Variants in TNFRSF8 observed in about 807,000 individuals in gnomAD.
The protein encoded by TNFRSF8 is TNF receptor superfamily member 8, also known as tumor necrosis factor receptor superfamily member 8.
In TNFRSF8, 26 loss-of-function variants were observed where a neutral mutation model predicts 70.8. The ratio of observed to expected loss-of-function variants is 0.37; its 90% CI spans 0.27 to 0.51. The LOEUF (loss-of-function observed/expected upper bound fraction) is 0.51. Ranked by LOEUF, TNFRSF8 falls within the 20% of genes least tolerant of loss-of-function variation. The pLI is 0.94. For synonymous variants in TNFRSF8, 356 were observed against 339.2 expected (o/e 1.05, Z -0.54); for missense variants, 720 against 807.9 (o/e 0.89, Z 1.32).
chr1:12,084,365 T>G, intron 1 of TNFRSF8, 99 bp from the exon 2 acceptor site: 1 of 1,078,440 alleles, frequency 9.3e-7, no homozygotes, highest in Non-Finnish European at 1.4e-6. Flanking sequence ...CTCTCCTATA[T>G]TACAAAGCTC....
At chr1:12,122,410 G>C (rs904779665) in intron 8 of TNFRSF8, among the ~76,000 whole-genome samples, 41 of 151,886 alleles carry the variant, frequency 2.7e-4, no homozygotes, top group African/African-American at 9.9e-4. Context: ...ACTTTGGGAG[G>C]CTGAGGTGGG....
rs1000354755 is a variant in TNFRSF8 at position 12,138,505 on chromosome 1, G to C, written c.1543+69G>C. On this transcript the variant is annotated intron_variant, in intron 14 of 14. Transcript: ENST00000263932. The surrounding 1 kb of genome is among the most constrained non-coding windows in gnomAD (Gnocchi z 5.7). ...GATGGGAGATGAATACGGGGCCCTG[G>C]GCCCTGGAAGGGACCTGGAGACCCT... 2 of 1,436,474 alleles carry C rather than the reference G, an allele frequency of 1.4e-6. No individual in the cohort carries two copies. Among genetic ancestry groups the C allele is most frequent in the Non-Finnish European group, 1.9e-6 (2 of 1,068,948 alleles). The allele number at this position is 1,436,474 out of a possible 1,614,324, so 89.0% of individuals were successfully genotyped here. A position where few individuals can be genotyped will look rare whatever the true frequency, so the allele number is the denominator to read the frequency against.
intron 12 of TNFRSF8, among the ~76,000 whole-genome samples, chr1:12,130,111 T>C (rs1642020943): frequency 6.6e-6 from 1 of 152,242 alleles, no homozygotes; most frequent in East Asian, 1.9e-4. Flanking sequence ...TTTCACCATG[T>C]TGGCCAGGCT....
chr1:12,130,127 C>T (rs991234592), intron 12 of TNFRSF8, among the ~76,000 whole-genome samples: 13 of 152,170 alleles, frequency 8.5e-5, no homozygotes, highest in Non-Finnish European at 1.3e-4. Context: ...AGGCTGGTCT[C>T]GAACTCCTGG....
chr1:12,140,722 C>T (rs1046188447), intron 14 of TNFRSF8, among the ~76,000 whole-genome samples: 2 of 152,220 alleles, frequency 1.3e-5, no homozygotes, highest in African/African-American at 4.8e-5. Context: ...GACTCCTGCC[C>T]ATTTCCCTGA....
chr1:12,099,972 C>T (rs1641391631), intron 3 of TNFRSF8, among the ~76,000 whole-genome samples: 2 of 152,214 alleles, frequency 1.3e-5, no homozygotes, highest in African/African-American at 4.8e-5. Context: ...AGTTCGAGAC[C>T]AGCCTGGCTA....
Position 12,138,535 on chromosome 1 carries a change from T to A in TNFRSF8, c.1543+99T>A. The A allele has an allele frequency of 8.2e-7, 1 of 1,215,282 alleles. No homozygotes were observed. Among genetic ancestry groups the A allele is most frequent in the East Asian group, 2.6e-5 (1 of 39,118 alleles). 75.3% of individuals were successfully genotyped at this position (1,215,282 alleles called of 1,614,324 possible). On this transcript the variant is annotated intron_variant, in intron 14 of 14. Coordinates refer to ENST00000263932, the MANE Select transcript of TNFRSF8 (RefSeq NM_001243.5). The surrounding 1 kb of genome is among the most constrained non-coding windows in gnomAD (Gnocchi z 5.7). Reference sequence around the variant, plus strand: ...TGGAAGGGACCTGGAGACCCTGGAGTTGAAAGGCCCAGGAAAGGAGAGGCA... The same window carrying A: ...TGGAAGGGACCTGGAGACCCTGGAGATGAAAGGCCCAGGAAAGGAGAGGCA...
At chr1:12,077,522 CAG>C (rs1640987206) in intron 1 of TNFRSF8, among the ~76,000 whole-genome samples, 1 of 152,234 alleles carries the variant, frequency 6.6e-6, no homozygotes, top group African/African-American at 2.4e-5. Flanking sequence ...AACAAGACCT[CAG>C]TCCTACAACC....
chr1:12,072,837 C>T (rs1640871258), intron 1 of TNFRSF8, among the ~76,000 whole-genome samples: 1 of 152,208 alleles, frequency 6.6e-6, no homozygotes, highest in African/African-American at 2.4e-5. Flanking sequence ...CCACCTTCAC[C>T]TTCCCAGCCT....
intron 1 of TNFRSF8, among the ~76,000 whole-genome samples, chr1:12,065,078 CT>C (rs773549918): frequency 1.3e-3 from 111 of 88,254 alleles, no homozygotes; most frequent in South Asian, 0.011. Context: ...CATACCAAAC[CT>C]TTTTTTTTTT....
Position 12,073,596 on chromosome 1 carries a change from T to C in TNFRSF8, c.63+9935T>C, listed in dbSNP as rs542857955. ...TCCCTTTCCCTTTTTCTTTTTCTTT[T>C]TTTTTTTTCATTTTCTTGACAGAGT... On this transcript the variant is annotated intron_variant, in intron 1 of 14. Coordinates refer to ENST00000263932, the MANE Select transcript of TNFRSF8 (RefSeq NM_001243.5). Among the ~76,000 whole-genome samples the C allele has an allele frequency of 6.6e-5, 10 of 150,846 alleles. No homozygotes were observed. The East Asian group carries it at 1.6e-3, about 23-fold the overall frequency.
intron 2 of TNFRSF8, among the ~76,000 whole-genome samples, chr1:12,096,173 G>A (rs1413186202): frequency 6.6e-6 from 1 of 152,136 alleles, no homozygotes; most frequent in Non-Finnish European, 1.5e-5. Context: ...TGGCAATCCT[G>A]AGCCAATTAT....
intron 8 of TNFRSF8, among the ~76,000 whole-genome samples, chr1:12,122,395 C>T (rs1242242737): frequency 6.6e-6 from 1 of 151,770 alleles, no homozygotes; most frequent in African/African-American, 2.4e-5. Context: ...GCCTACGATC[C>T]CAGCACTTTG....
rs1642195783 is a variant in TNFRSF8 at position 12,138,545 on chromosome 1, C to T, written c.1543+109C>T. 2 of 1,126,784 alleles carry T rather than the reference C, an allele frequency of 1.8e-6. No homozygotes were observed. The highest frequency in any genetic ancestry group is 2.6e-5 in the East Asian group (1 of 38,398). The allele number at this position is 1,126,784 out of a possible 1,614,324, so 69.8% of individuals were successfully genotyped here. ...CTGGAGACCCTGGAGTTGAAAGGCC[C>T]AGGAAAGGAGAGGCATAGATTCTTC... On this transcript the variant is annotated intron_variant, in intron 14 of 14. Transcript: ENST00000263932. The surrounding 1 kb of genome is among the most constrained non-coding windows in gnomAD (Gnocchi z 5.7).
chr1:12,127,745 G>A (rs564518408), intron 12 of TNFRSF8, among the ~76,000 whole-genome samples: 5 of 152,290 alleles, frequency 3.3e-5, no homozygotes, highest in South Asian at 4.1e-4. Flanking sequence ...CATTGAAACC[G>A]GCGTTTGCTT....
intron 2 of TNFRSF8, among the ~76,000 whole-genome samples, chr1:12,084,819 C>T (rs1641125127): frequency 6.6e-6 from 1 of 152,172 alleles, no homozygotes; most frequent in Admixed American, 6.5e-5. Context: ...CTTTATTGGA[C>T]ACTTACTATC....
At position 12,109,634 on chromosome 1, in the gene TNFRSF8, G is replaced by A. The variant is rs138036251; in HGVS notation, c.490G>A (p.Glu164Lys). 6.2e-7 allele frequency: 1 copy of A among 1,613,772 alleles called. No individual in the cohort carries two copies. Among genetic ancestry groups the A allele is most frequent in the African/African-American group, 1.3e-5 (1 of 75,046 alleles). The change falls in exon 5 of 15, where the codon GAG becomes AAG. Residue 164 changes from glutamate (E) to lysine (K), a missense_variant. By Grantham distance (56) the Glu-to-Lys change is moderately conservative. Transcript: ENST00000263932. The surrounding 1 kb of genome is among the most constrained non-coding windows in gnomAD (Gnocchi z 4.4). ...PGVSPACASP[E>K]NCKEPSSGTI... ...GGTCAGCCCTGCCTGTGCCAGCCCA[G>A]AGAACTGCAAGGAACCCTCCAGGTG...
At chr1:12,127,577 T>G (rs923272565) in intron 12 of TNFRSF8, among the ~76,000 whole-genome samples, 1 of 152,246 alleles carries the variant, frequency 6.6e-6, no homozygotes, top group African/African-American at 2.4e-5. Flanking sequence ...GGCCCTTGCA[T>G]AGGCTGACTG....
chr1:12,124,709 C>G (rs1441833275), intron 10 of TNFRSF8, among the ~76,000 whole-genome samples: 1 of 152,154 alleles, frequency 6.6e-6, no homozygotes, highest in Non-Finnish European at 1.5e-5. Flanking sequence ...GTAATCCCAG[C>G]TACTCAGGAG....
Sources: allele counts gnomAD v4.1 joint callset (sites outside exome capture counted in the v4.1 genomes callset), GRCh38; gene constraint gnomAD v4.1.1; non-coding constraint Gnocchi (gnomAD v3.1); transcripts MANE v1.5; gene names NCBI Gene and HGNC (gene_info 2026-07-23, HGNC 2026-07-21).